The following FNDC3A variants were observed in gnomAD, a reference collection of about 807,000 sequenced individuals.
FNDC3A encodes the protein fibronectin type-III domain-containing protein 3A.
In FNDC3A, 32 loss-of-function variants were observed where a neutral mutation model predicts 148.9. The ratio of observed to expected loss-of-function variants is 0.21; its 90% CI spans 0.16 to 0.29. The LOEUF (loss-of-function observed/expected upper bound fraction) is 0.29, where lower values mean the gene tolerates loss of function less well. FNDC3A is among the 10% of genes least tolerant of loss of function. FNDC3A has a pLI of 1.00. For synonymous variants in FNDC3A, 472 were observed against 473.6 expected (o/e 1.00, Z 0.04); for missense variants, 1,191 against 1,452.8 (o/e 0.82, Z 2.93).
intron 2 of FNDC3A, among the ~76,000 whole-genome samples, chr13:49,020,669 G>C (rs983811591): frequency 6.6e-6 from 1 of 152,174 alleles, no homozygotes; most frequent in Non-Finnish European, 1.5e-5. Flanking sequence ...ATCAGTGTTG[G>C]GGGGTTATAA....
intron 4 of FNDC3A, among the ~76,000 whole-genome samples, chr13:49,119,710 C>A (rs776478498): frequency 6.6e-6 from 1 of 151,228 alleles, no homozygotes; most frequent in Non-Finnish European, 1.5e-5. Context: ...TATCAACAGC[C>A]AAATCAATCA....
chr13:49,058,352 C>G (rs1454188830), intron 2 of FNDC3A, among the ~76,000 whole-genome samples: 4 of 152,102 alleles, frequency 2.6e-5, no homozygotes, highest in African/African-American at 9.7e-5. Context: ...CCGATTAGGT[C>G]AGGGGTCGAT....
intron 2 of FNDC3A, among the ~76,000 whole-genome samples, chr13:49,019,290 G>C (rs1489801011): frequency 6.6e-6 from 1 of 152,250 alleles, no homozygotes; most frequent in Non-Finnish European, 1.5e-5. Context: ...CTAGGTGCGG[G>C]ATATAATCTT....
intron 2 of FNDC3A, among the ~76,000 whole-genome samples, chr13:49,064,570 G>A (rs1877132695): frequency 6.6e-6 from 1 of 152,164 alleles, no homozygotes; most frequent in Non-Finnish European, 1.5e-5. Flanking sequence ...AAAGTGACAG[G>A]AAGGTTTCAT....
chr13:49,117,155 T>C (rs1398548217), intron 4 of FNDC3A, among the ~76,000 whole-genome samples: 1 of 152,208 alleles, frequency 6.6e-6, no homozygotes, highest in African/African-American at 2.4e-5. Flanking sequence ...GTAAATTAGA[T>C]AATCATCCGA....
rs1278672093 is a variant in FNDC3A, at chr13:48,988,984, AC to A, written c.-40+12808del. ...CTACACAGGGCTGGAGAAAGAGCCA[AC>A]TAAAAAGATTGTATATAGAACAGTA... is the stretch of plus-strand genomic sequence containing the variant. On this transcript the variant is annotated intron_variant, in intron 1 of 25. Transcript: ENST00000492622. Among the ~76,000 whole-genome samples, 9 of 152,228 alleles carry A rather than the reference AC, an allele frequency of 5.9e-5. No homozygotes were observed. In the East Asian group the frequency reaches 1.7e-3, roughly 29 times the overall value.
intron 13 of FNDC3A, among the ~76,000 whole-genome samples, chr13:49,176,244 G>C (rs112193159): frequency 0.082 from 12,455 of 152,208 alleles, 675 homozygotes; most frequent in Middle Eastern, 0.14. Context: ...TCTATTGTTT[G>C]TAATAGTTTC....
At chr13:49,009,525 T>A (rs1952293300) in intron 2 of FNDC3A, among the ~76,000 whole-genome samples, 1 of 152,206 alleles carries the variant, frequency 6.6e-6, no homozygotes, top group African/African-American at 2.4e-5. Context: ...TTTAGTTTTG[T>A]GAGAAACTAC....
intron 2 of FNDC3A, among the ~76,000 whole-genome samples, chr13:49,071,428 T>C (rs1051052238): frequency 6.6e-6 from 1 of 152,172 alleles, no homozygotes; most frequent in African/African-American, 2.4e-5. Context: ...GTAGTTCTAT[T>C]GTTTGTGTTT....
chr13:49,037,621 A>G (rs555325440), intron 2 of FNDC3A, among the ~76,000 whole-genome samples: 1 of 152,324 alleles, frequency 6.6e-6, no homozygotes, highest in South Asian at 2.1e-4. Context: ...CACCTTCAGT[A>G]TCTTCAGTAC....
intron 7 of FNDC3A, among the ~76,000 whole-genome samples, chr13:49,140,660 A>G (rs1016108743): frequency 1.3e-5 from 2 of 152,182 alleles, no homozygotes; most frequent in Non-Finnish European, 2.9e-5. Context: ...TTCATTCCAT[A>G]AATATTTTAC....
intron 8 of FNDC3A, among the ~76,000 whole-genome samples, chr13:49,150,138 G>A (rs144086120): frequency 2.6e-4 from 39 of 152,092 alleles, no homozygotes; most frequent in African/African-American, 8.4e-4. Flanking sequence ...GGCATCTTGC[G>A]ATGTTGCCTA....
At chr13:49,082,624 G>A (rs1457489863) in intron 3 of FNDC3A, among the ~76,000 whole-genome samples, 1 of 151,922 alleles carries the variant, frequency 6.6e-6, no homozygotes, top group African/African-American at 2.4e-5. Flanking sequence ...GAACAATATA[G>A]GCAGTGCACT....
intron 2 of FNDC3A, among the ~76,000 whole-genome samples, chr13:49,042,126 G>A (rs1874982774): frequency 6.6e-6 from 1 of 152,126 alleles, no homozygotes; most frequent in African/African-American, 2.4e-5. Flanking sequence ...GATCTTGGGA[G>A]AAGAGCCATA....
intron 10 of FNDC3A, among the ~76,000 whole-genome samples, chr13:49,170,539 T>C (rs1884701099): frequency 6.6e-6 from 1 of 152,166 alleles, no homozygotes; most frequent in South Asian, 2.1e-4. Context: ...TTCTGTCTTA[T>C]TGCCAGTCCC....
At chr13:49,163,994 G>A (rs1884314921) in intron 8 of FNDC3A, among the ~76,000 whole-genome samples, 1 of 152,076 alleles carries the variant, frequency 6.6e-6, no homozygotes, top group African/African-American at 2.4e-5. Flanking sequence ...ACTTTCATGT[G>A]TCTTCATGAC....
At chr13:49,022,116 G>A (rs978628581) in intron 2 of FNDC3A, among the ~76,000 whole-genome samples, 2 of 152,050 alleles carry the variant, frequency 1.3e-5, no homozygotes, top group Admixed American at 1.3e-4. Context: ...TTCCTTACTT[G>A]AGGGCCCTCA....
intron 3 of FNDC3A, among the ~76,000 whole-genome samples, chr13:49,091,705 A>G (rs1210540697): frequency 6.6e-6 from 1 of 151,992 alleles, no homozygotes; most frequent in Non-Finnish European, 1.5e-5. Context: ...ATCATAGGGA[A>G]CTCTCCATGA....
At chr13:49,084,125 G>A (rs1033500014) in intron 3 of FNDC3A, among the ~76,000 whole-genome samples, 2 of 152,174 alleles carry the variant, frequency 1.3e-5, no homozygotes, top group Admixed American at 1.3e-4. Flanking sequence ...AAATACTTGA[G>A]GAGAGAGAAA....
Sources: gnomAD v4.1 joint callset for allele counts (sites outside exome capture counted in the v4.1 genomes callset) on GRCh38, gnomAD v4.1.1 for gene constraint, MANE v1.5 for transcripts, NCBI Gene and HGNC (gene_info 2026-07-23, HGNC 2026-07-21) for gene names.